CFAP251: variants seen among roughly 807,000 people sequenced by gnomAD.
CFAP251 encodes the protein cilia and flagella associated protein 251.
CFAP251 carries 93 observed loss-of-function variants against 126.7 expected under a neutral mutation model. The observed-to-expected ratio is 0.73, with a 90% CI of 0.62 to 0.87. CFAP251 has a LOEUF of 0.87. Among genes scored for constraint, CFAP251 ranks in the 40% least tolerant of loss-of-function variants. The pLI is 0.00. For synonymous variants in CFAP251, 503 were observed against 506.9 expected (o/e 0.99, Z 0.10); for missense variants, 1,287 against 1,389.2 (o/e 0.93, Z 1.17).
chr12:121,994,326 G>A (rs1882973997), intron 19 of CFAP251, among the ~76,000 whole-genome samples: 1 of 62,228 alleles, frequency 1.6e-5, no homozygotes, highest in Non-Finnish European at 3.4e-5. Context: ...CGTCCGGGAG[G>A]GAGGTGGGGG....
chr12:121,977,428 G>A (rs1882487680), intron 19 of CFAP251, among the ~76,000 whole-genome samples: 1 of 152,206 alleles, frequency 6.6e-6, no homozygotes, highest in African/African-American at 2.4e-5. Context: ...GGAGGCTTAG[G>A]TGGGTGGATC....
Position 122,001,419 on chromosome 12 carries a change from T to C in CFAP251, c.3236-78T>C, listed in dbSNP as rs11043284. ...GTGGGATAATTCTCTTTAAGACCTC[T>C]GAATAATAACGCTAAGCCCTGACAG... On this transcript the variant is annotated intron_variant, in intron 20 of 21. Coordinates refer to ENST00000288912, the MANE Select transcript of CFAP251 (RefSeq NM_144668.6). 9.0e-4 allele frequency: 1,151 copies of C among 1,282,330 alleles called. 13 individuals carry two copies. In the African/African-American group the frequency reaches 0.014, roughly 16 times the overall value. 79.4% of individuals were successfully genotyped at this position (1,282,330 alleles called of 1,614,324 possible).
intron 14 of CFAP251, 124 bp downstream of exon 14, chr12:121,960,882 G>T (rs1402504359): frequency 2.3e-5 from 27 of 1,183,496 alleles, no homozygotes; most frequent in Non-Finnish European, 3.1e-5. Context: ...TGAATGCACA[G>T]TGAAGGATCA....
At chr12:121,943,300 G>C (rs769921434) in intron 7 of CFAP251, among the ~76,000 whole-genome samples, 1 of 152,140 alleles carries the variant, frequency 6.6e-6, no homozygotes, top group Non-Finnish European at 1.5e-5. Context: ...GTGACAAAGT[G>C]AGACTCTGTC....
intron 19 of CFAP251, among the ~76,000 whole-genome samples, chr12:121,976,011 CTTT>C (rs1162987520): frequency 5.0e-5 from 7 of 139,704 alleles, no homozygotes; most frequent in Admixed American, 1.4e-4. Context: ...GGATTTTTTT[CTTT>C]TTTTTTTTTT....
At chr12:121,982,436 A>G (rs1188318291) in intron 19 of CFAP251, among the ~76,000 whole-genome samples, 1 of 151,426 alleles carries the variant, frequency 6.6e-6, no homozygotes, top group Non-Finnish European at 1.5e-5. Context: ...CTGGAGTGCA[A>G]TGGCGCCATC....
chr12:121,979,471 T>A (rs1460484347), intron 19 of CFAP251, among the ~76,000 whole-genome samples: 1 of 149,640 alleles, frequency 6.7e-6, no homozygotes, highest in Non-Finnish European at 1.5e-5. Flanking sequence ...ATTCTCTACA[T>A]CTCCTGGGGG....
chr12:121,930,884 G>A (rs1334663934), intron 3 of CFAP251, among the ~76,000 whole-genome samples: 1 of 151,932 alleles, frequency 6.6e-6, no homozygotes, highest in East Asian at 1.9e-4. Context: ...GAGTAGCTGG[G>A]AGTAAAGGTG....
chr12:121,972,652 C>A (rs1211551598), intron 17 of CFAP251, among the ~76,000 whole-genome samples: 1 of 152,062 alleles, frequency 6.6e-6, no homozygotes, highest in African/African-American at 2.4e-5. Flanking sequence ...CCATGCCTGG[C>A]TAATTTTTTG....
At chr12:121,968,507 G>C (rs1882227102) in intron 17 of CFAP251, among the ~76,000 whole-genome samples, 1 of 151,648 alleles carries the variant, frequency 6.6e-6, no homozygotes, top group Admixed American at 6.6e-5. Flanking sequence ...ATAGTAAGAG[G>C]ATCATTTCAA....
chr12:121,983,150 C>T (rs557860212), intron 19 of CFAP251, among the ~76,000 whole-genome samples: 12 of 152,180 alleles, frequency 7.9e-5, no homozygotes, highest in African/African-American at 2.9e-4. Context: ...ATCGAAGGAT[C>T]GCTTGCGCAC....
Position 121,958,361 on chromosome 12 carries a change from A to T in CFAP251, c.1820A>T (p.Asp607Val), listed in dbSNP as rs1186147055. 6.2e-7 allele frequency: 1 copy of T among 1,614,128 alleles called. No homozygotes were observed. The highest frequency in any genetic ancestry group is 8.5e-7 in the Non-Finnish European group (1 of 1,180,058). The change falls in exon 12 of 22, where the codon GAT (aspartate) becomes GTT (valine). Residue 607 changes from aspartate (D) to valine (V), a missense_variant. By Grantham distance (152) the Asp-to-Val change is radical. Coordinates refer to ENST00000288912, the MANE Select transcript of CFAP251 (RefSeq NM_144668.6). ...GAGAAGTTATTTGTAGAGCCCAAGG[A>T]TGCCATTTGTGCCATCTCCTGCCAC... is the stretch of plus-strand genomic sequence containing the variant. ...KLEKLFVEPK[D>V]AICAISCHPY...
At chr12:121,921,805 T>TTG in intron 2 of CFAP251, 122 bp downstream of exon 2, 1 of 1,187,318 alleles carries the variant, frequency 8.4e-7, no homozygotes, top group Non-Finnish European at 1.2e-6. Context: ...TTTTTTTTTT[T>TTG]TTGAGACAGA....
At chr12:121,924,021 T>C in intron 3 of CFAP251, 31 bp downstream of exon 3, 5 of 1,443,804 alleles carry the variant, frequency 3.5e-6, no homozygotes, top group Non-Finnish European at 4.5e-6. Flanking sequence ...TCTCCCCCAG[T>C]GCTTTTGAGA....
At chr12:121,967,170 G>C in intron 16 of CFAP251, 101 bp downstream of exon 16, 1 of 1,136,372 alleles carries the variant, frequency 8.8e-7, no homozygotes, top group Non-Finnish European at 1.3e-6. Flanking sequence ...TGGGTTTACA[G>C]CCAAGCCCAA....
chr12:121,992,463 A>C lies in CFAP251; in HGVS notation c.3007-7253A>C, dbSNP rs894195754. 4.1e-6 allele frequency: 4 copies of C among 985,282 alleles called. No homozygotes were observed. The Admixed American group carries it at 2.5e-4, about 61-fold the overall frequency. The allele number at this position is 985,282 out of a possible 1,614,324, so 61.0% of individuals were successfully genotyped here. A position where few individuals can be genotyped will look rare whatever the true frequency, so the allele number is the denominator to read the frequency against. Reference sequence around the variant, plus strand: ...AGCTCTTTGGAACTCTCTGGGTATGAGTAACTCAGGCCCTTATGAATTCCT... The same window carrying C: ...AGCTCTTTGGAACTCTCTGGGTATGCGTAACTCAGGCCCTTATGAATTCCT... On this transcript the variant is annotated intron_variant, in intron 19 of 21. Transcript: ENST00000288912.
intron 9 of CFAP251, among the ~76,000 whole-genome samples, chr12:121,952,333 T>A (rs1393489976): frequency 6.8e-6 from 1 of 146,072 alleles, no homozygotes; most frequent in Non-Finnish European, 1.5e-5. Flanking sequence ...GGTGGGAGGA[T>A]CACTTGAGCC....
chr12:121,935,990 G>A (rs1422053622), intron 5 of CFAP251, among the ~76,000 whole-genome samples: 2 of 152,206 alleles, frequency 1.3e-5, no homozygotes, highest in African/African-American at 4.8e-5. Context: ...AACAAGGAAA[G>A]GTGGAATTTC....
intron 11 of CFAP251, 86 bp from the exon 12 acceptor site, chr12:121,958,186 G>A (rs1436190693): frequency 2.6e-5 from 40 of 1,560,252 alleles, no homozygotes; most frequent in Middle Eastern, 3.5e-4. Context: ...CGACAGAGGC[G>A]TTTTATGTGC....
Sources: gnomAD v4.1 joint callset for allele counts (sites outside exome capture counted in the v4.1 genomes callset) on GRCh38, gnomAD v4.1.1 for gene constraint, MANE v1.5 for transcripts, NCBI Gene and HGNC (gene_info 2026-07-23, HGNC 2026-07-21) for gene names.